The following HPCAL1 variants were observed in gnomAD, a reference collection of about 807,000 sequenced individuals.
HPCAL1 encodes the protein hippocalcin like 1.
Under a neutral mutation model 17.1 loss-of-function variants are expected in HPCAL1, and 8 were observed. That is an observed-to-expected ratio of 0.47 (90% CI 0.27 to 0.84). The LOEUF (loss-of-function observed/expected upper bound fraction) is 0.84. HPCAL1 is among the 40% of genes least tolerant of loss of function. HPCAL1 has a pLI of 0.13. For synonymous variants in HPCAL1, 112 were observed against 111.4 expected (o/e 1.01, Z -0.03); for missense variants, 165 against 271.1 (o/e 0.61, Z 2.75).
chr2:10,309,248 G>A lies in HPCAL1; in HGVS notation c.-111+6071G>A, dbSNP rs1377304341. Among the ~76,000 whole-genome samples, 9 of 152,204 alleles carry A rather than the reference G, an allele frequency of 5.9e-5. No individual in the cohort carries two copies. In the East Asian group the frequency reaches 1.7e-3, roughly 29 times the overall value. ...GAGGTCTTGCTATGTTGCCCAGACT[G>A]GTCTTGAGCTCCCGGGCTCAAATAA... On this transcript the variant is annotated intron_variant, in intron 1 of 4. Transcript: ENST00000307845.
Position 10,427,297 on chromosome 2 carries a change from TATAG to T in HPCAL1, c.*480_*483del, listed in dbSNP as rs1671482203. Reference sequence around the variant, plus strand: ...TTTCTCCACCACAGCCGCTTGCACGTATAGATACTGTGGTCCCCTTTCTTTTAAT... The same window carrying T: ...TTTCTCCACCACAGCCGCTTGCACGTATACTGTGGTCCCCTTTCTTTTAAT... On this transcript the variant is annotated 3_prime_UTR_variant, in exon 5 of 5. Coordinates refer to ENST00000307845, the MANE Select transcript of HPCAL1 (RefSeq NM_002149.4). The T allele has an allele frequency of 6.0e-6, 1 of 165,340 alleles. No homozygotes were observed. Among genetic ancestry groups the T allele is most frequent in the African/African-American group, 2.4e-5 (1 of 41,794 alleles). The allele number at this position is 165,340 out of a possible 1,614,324, so 10.2% of individuals were successfully genotyped here.
chr2:10,331,250 T>C lies in HPCAL1; in HGVS notation c.-111+28073T>C, dbSNP rs1171841907. Among the ~76,000 whole-genome samples the C allele has an allele frequency of 6.6e-6, 1 of 152,084 alleles. No individual in the cohort carries two copies. The highest frequency in any genetic ancestry group is 1.5e-5 in the Non-Finnish European group (1 of 67,996). On this transcript the variant is annotated intron_variant, in intron 1 of 4. Coordinates refer to ENST00000307845, the MANE Select transcript of HPCAL1 (RefSeq NM_002149.4). The surrounding 1 kb of genome is among the most constrained non-coding windows in gnomAD (Gnocchi z 5.0). ...GCCCAGCCACAGGGTGCTGGCTGCCTGTTACTCAGCACGTCCGCCTCTCCT... is the reference window on the plus strand; with the variant it reads ...GCCCAGCCACAGGGTGCTGGCTGCCCGTTACTCAGCACGTCCGCCTCTCCT...
rs922484767 is a variant in HPCAL1, at chr2:10,331,507, C to T, written c.-111+28330C>T. Among the ~76,000 whole-genome samples the T allele has an allele frequency of 1.3e-5, 2 of 152,182 alleles. No homozygotes were observed. The highest frequency in any genetic ancestry group is 2.9e-5 in the Non-Finnish European group (2 of 68,030). On this transcript the variant is annotated intron_variant, in intron 1 of 4. Coordinates refer to ENST00000307845, the MANE Select transcript of HPCAL1 (RefSeq NM_002149.4). This position sits in a 1 kb window ranked among gnomAD's most constrained non-coding sequence, Gnocchi z 5.0. ...CTTGCTGGTGGAACGGATGCAGCAGCGAGGTTTTCCGGGGCAGGAACACCC... is the reference window on the plus strand; with the variant it reads ...CTTGCTGGTGGAACGGATGCAGCAGTGAGGTTTTCCGGGGCAGGAACACCC...
intron 1 of HPCAL1, among the ~76,000 whole-genome samples, chr2:10,393,092 G>A (rs1351937850): frequency 2.0e-5 from 3 of 152,242 alleles, no homozygotes; most frequent in Non-Finnish European, 2.9e-5. Flanking sequence ...TCTGCATTTT[G>A]CTTTTCTAGA....
chr2:10,411,598 C>G (rs377223558), intron 2 of HPCAL1, among the ~76,000 whole-genome samples: 1 of 152,232 alleles, frequency 6.6e-6, no homozygotes, highest in Non-Finnish European at 1.5e-5. Flanking sequence ...TTTTATGCCC[C>G]TTCCTGGGCA....
intron 1 of HPCAL1, among the ~76,000 whole-genome samples, chr2:10,355,449 T>TAA (rs1485803275): frequency 4.3e-5 from 1 of 22,992 alleles, no homozygotes; most frequent in African/African-American, 2.5e-4. Context: ...AGACTCCGTC[T>TAA]CAAAAAAAAA....
chr2:10,412,174 CT>C lies in HPCAL1; in HGVS notation c.-24-7558del, dbSNP rs145100228. Among the ~76,000 whole-genome samples the C allele has an allele frequency of 4.2e-3, 647 of 152,310 alleles. 7 individuals carry two copies. The highest frequency in any genetic ancestry group is 0.015 in the African/African-American group (624 of 41,562). ...CGCAGTCACGCAAGGACTTAAGTTT[CT>C]TCTTTTTAGAAGGTCTTTCGTCTCA... is the stretch of plus-strand genomic sequence containing the variant. On this transcript the variant is annotated intron_variant, in intron 2 of 4. Transcript: ENST00000307845.
intron 2 of HPCAL1, among the ~76,000 whole-genome samples, chr2:10,399,037 G>A (rs947269500): frequency 6.6e-6 from 1 of 151,828 alleles, no homozygotes; most frequent in Admixed American, 6.6e-5. Context: ...GTCAGCACGG[G>A]TGCACAGGGG....
chr2:10,331,457 T>C lies in HPCAL1; in HGVS notation c.-111+28280T>C, dbSNP rs537573839. ...CCCTTGTCCCACAGGACACCGTTTC[T>C]GAACCCAGGAGACACTCAGGAAACC... On this transcript the variant is annotated intron_variant, in intron 1 of 4. Coordinates refer to ENST00000307845, the MANE Select transcript of HPCAL1 (RefSeq NM_002149.4). The surrounding 1 kb of genome is among the most constrained non-coding windows in gnomAD (Gnocchi z 5.0). Among the ~76,000 whole-genome samples, 1 of 152,322 alleles carries C rather than the reference T, an allele frequency of 6.6e-6. No homozygotes were observed. The highest frequency in any genetic ancestry group is 1.9e-4 in the East Asian group (1 of 5,178).
intron 3 of HPCAL1, 66 bp downstream of exon 3, chr2:10,420,201 GCC>G: frequency 1.3e-6 from 1 of 742,570 alleles, no homozygotes. Context: ...CCAGCCCCCA[GCC>G]CAGGGCTTTT....
At chr2:10,375,419 G>A (rs1009052856) in intron 1 of HPCAL1, among the ~76,000 whole-genome samples, 2 of 152,178 alleles carry the variant, frequency 1.3e-5, no homozygotes, top group Non-Finnish European at 2.9e-5. Context: ...CAGCTGCGGA[G>A]CAACAGCTCC....
chr2:10,344,804 C>T lies in HPCAL1; in HGVS notation c.-111+41627C>T, dbSNP rs1195325728. On this transcript the variant is annotated intron_variant, in intron 1 of 4. Transcript: ENST00000307845. This position sits in a 1 kb window ranked among gnomAD's most constrained non-coding sequence, Gnocchi z 4.9. ...GTGCCTGACTTTCTGTCTCTTTCTG[C>T]TTCTCTCTCTGTGTCTGTCTCTGTC... Among the ~76,000 whole-genome samples the T allele has an allele frequency of 6.7e-6, 1 of 149,648 alleles. No homozygotes were observed. Among genetic ancestry groups the T allele is most frequent in the Non-Finnish European group, 1.5e-5 (1 of 67,382 alleles).
At chr2:10,385,522 A>AT (rs1668248388) in intron 1 of HPCAL1, among the ~76,000 whole-genome samples, 1 of 151,846 alleles carries the variant, frequency 6.6e-6, no homozygotes, top group Non-Finnish European at 1.5e-5. Context: ...CTGGGCTGTG[A>AT]TTTTTTCATC....
At position 10,420,065 on chromosome 2, in the gene HPCAL1, G is replaced by A; in HGVS notation, c.308G>A (p.Trp103Ter). ...GGCAAGCTGGAGCAGAAGCTCAAGTGGGCCTTCAGCATGTACGACCTGGAC... is the reference window on the plus strand; with the variant it reads ...GGCAAGCTGGAGCAGAAGCTCAAGTAGGCCTTCAGCATGTACGACCTGGAC... ...SRGKLEQKLKWAFSMYDLDGN... is the reference protein window; with the variant it reads ...SRGKLEQKLK Residue 103 changes from tryptophan (W) to a stop codon, truncating the protein, a stop_gained, in exon 3 of 5, where the codon TGG becomes TAG. Transcript: ENST00000307845. LOFTEE classifies it high-confidence loss of function. 6.2e-7 allele frequency: 1 copy of A among 1,613,836 alleles called. No individual in the cohort carries two copies. The highest frequency in any genetic ancestry group is 8.5e-7 in the Non-Finnish European group (1 of 1,180,010).
rs1376195746 is a variant in HPCAL1, at chr2:10,331,493, A to G, written c.-111+28316A>G. Among the ~76,000 whole-genome samples, 1 of 152,152 alleles carries G rather than the reference A, an allele frequency of 6.6e-6. No individual in the cohort carries two copies. The highest frequency in any genetic ancestry group is 2.4e-5 in the African/African-American group (1 of 41,430). ...GACACTCAGGAAACCTTGCTGGTGG[A>G]ACGGATGCAGCAGCGAGGTTTTCCG... On this transcript the variant is annotated intron_variant, in intron 1 of 4. Coordinates refer to ENST00000307845, the MANE Select transcript of HPCAL1 (RefSeq NM_002149.4). This position sits in a 1 kb window ranked among gnomAD's most constrained non-coding sequence, Gnocchi z 5.0.
chr2:10,305,560 G>A (rs1662568039), intron 1 of HPCAL1, among the ~76,000 whole-genome samples: 2 of 152,202 alleles, frequency 1.3e-5, no homozygotes, highest in Non-Finnish European at 2.9e-5. Context: ...GAACAGAAAT[G>A]TCAATGTGTG....
At chr2:10,387,679 C>A (rs1372791087) in intron 1 of HPCAL1, among the ~76,000 whole-genome samples, 1 of 152,244 alleles carries the variant, frequency 6.6e-6, no homozygotes, top group African/African-American at 2.4e-5. Flanking sequence ...CAGTGACCAA[C>A]AGGTGAAAGG....
chr2:10,327,387 G>C (rs1022712168), intron 1 of HPCAL1, among the ~76,000 whole-genome samples: 1 of 152,178 alleles, frequency 6.6e-6, no homozygotes, highest in Non-Finnish European at 1.5e-5. Flanking sequence ...GCCCCCTGCC[G>C]AGTGGCTAGC....
intron 1 of HPCAL1, among the ~76,000 whole-genome samples, chr2:10,391,875 A>G (rs537981175): frequency 2.0e-5 from 3 of 152,264 alleles, no homozygotes; most frequent in African/African-American, 7.2e-5. Context: ...CAGCCTCCGG[A>G]GTAGCTGGGA....
Sources: gnomAD v4.1 joint callset for allele counts (sites outside exome capture counted in the v4.1 genomes callset) on GRCh38, gnomAD v4.1.1 for gene constraint, Gnocchi (gnomAD v3.1) non-coding constraint, MANE v1.5 for transcripts, NCBI Gene and HGNC (gene_info 2026-07-23, HGNC 2026-07-21) for gene names.